Variants in TMEM178B observed in about 807,000 individuals in gnomAD.
TMEM178B encodes transmembrane protein 178B.
A neutral mutation model predicts 31.0 loss-of-function variants in TMEM178B; 5 were observed. The ratio of observed to expected loss-of-function variants is 0.16; its 90% CI spans 0.08 to 0.34. The LOEUF is 0.34. Ranked by LOEUF, TMEM178B falls within the 10% of genes least tolerant of loss-of-function variation. The pLI is 1.00. For missense variants in TMEM178B, 275 were observed against 400.3 expected, an observed-to-expected ratio of 0.69 and a Z score of 2.67; for synonymous variants, 164 against 164.0, an observed-to-expected ratio of 1.00 and a Z score of 0.00.
intron 2 of TMEM178B, among the ~76,000 whole-genome samples, chr7:141,405,114 A>G (rs1382504797): frequency 6.6e-6 from 1 of 152,218 alleles, no homozygotes; most frequent in African/African-American, 2.4e-5. Context: ...ACTAACCTGT[A>G]TCTGTGACCC....
At chr7:141,299,265 A>G (rs1798685236) in intron 2 of TMEM178B, among the ~76,000 whole-genome samples, 1 of 152,008 alleles carries the variant, frequency 6.6e-6, no homozygotes, top group African/African-American at 2.4e-5. Flanking sequence ...CAAACTCCGC[A>G]TCCTAGGTGC....
intron 1 of TMEM178B, among the ~76,000 whole-genome samples, chr7:141,076,577 G>C (rs1794603607): frequency 6.6e-6 from 1 of 152,168 alleles, no homozygotes; most frequent in Non-Finnish European, 1.5e-5. Flanking sequence ...AGTCTGACTA[G>C]AAAGGTTGAC....
chr7:141,135,921 G>T (rs1795668586), intron 1 of TMEM178B, among the ~76,000 whole-genome samples: 1 of 151,660 alleles, frequency 6.6e-6, no homozygotes. Flanking sequence ...GAAATGAGAG[G>T]TTTTTTTTGA....
At chr7:141,139,891 A>G (rs1177220236) in intron 1 of TMEM178B, among the ~76,000 whole-genome samples, 1 of 151,422 alleles carries the variant, frequency 6.6e-6, no homozygotes, top group Non-Finnish European at 1.5e-5. Context: ...TCAGCCTCCC[A>G]AGTAGCTGGG....
intron 2 of TMEM178B, among the ~76,000 whole-genome samples, chr7:141,317,957 G>A (rs1032869236): frequency 2.0e-5 from 3 of 152,198 alleles, no homozygotes; most frequent in Non-Finnish European, 4.4e-5. Context: ...AGAAGCATTT[G>A]TCTACCACCT....
chr7:141,401,498 C>G (rs535840885), intron 2 of TMEM178B, among the ~76,000 whole-genome samples: 1 of 152,302 alleles, frequency 6.6e-6, no homozygotes, highest in South Asian at 2.1e-4. Flanking sequence ...TCACTGCAGC[C>G]TCAAATTCCT....
chr7:141,343,803 C>T (rs1206212953), intron 2 of TMEM178B, among the ~76,000 whole-genome samples: 2 of 152,176 alleles, frequency 1.3e-5, no homozygotes, highest in Non-Finnish European at 2.9e-5. Context: ...CCCACCTCGG[C>T]CTCCCAAAGT....
chr7:141,358,707 CTAATA>C (rs1328186334), intron 2 of TMEM178B, among the ~76,000 whole-genome samples: 2 of 151,952 alleles, frequency 1.3e-5, no homozygotes, highest in African/African-American at 4.8e-5. Flanking sequence ...TCAAAGAATT[CTAATA>C]AGTCGGCAAG....
intron 2 of TMEM178B, among the ~76,000 whole-genome samples, chr7:141,395,413 C>T (rs1800620336): frequency 6.6e-6 from 1 of 152,148 alleles, no homozygotes; most frequent in African/African-American, 2.4e-5. Context: ...TGCACTCCAG[C>T]CCAAGCGACA....
At chr7:141,386,870 G>A (rs575564212) in intron 2 of TMEM178B, among the ~76,000 whole-genome samples, 5 of 152,270 alleles carry the variant, frequency 3.3e-5, no homozygotes, top group Non-Finnish European at 5.9e-5. Context: ...CTCAGCAGCC[G>A]GGGTTTGGGG....
chr7:141,492,553 G>A, the TMEM178B span, among the ~76,000 whole-genome samples: 1 of 152,196 alleles, frequency 6.6e-6, no homozygotes, highest in African/African-American at 2.4e-5. Flanking sequence ...AAGGAAGGAG[G>A]TCAGCACCTA....
intron 2 of TMEM178B, among the ~76,000 whole-genome samples, chr7:141,327,142 T>G (rs956907229): frequency 6.6e-6 from 1 of 152,172 alleles, no homozygotes; most frequent in Non-Finnish European, 1.5e-5. Context: ...TAAACGTCTT[T>G]TACTATTCCT....
At chr7:141,202,876 C>A (rs911019256) in intron 1 of TMEM178B, among the ~76,000 whole-genome samples, 1 of 152,186 alleles carries the variant, frequency 6.6e-6, no homozygotes. Context: ...ATTTCTGCCC[C>A]ATTTGGGGAC....
intron 2 of TMEM178B, among the ~76,000 whole-genome samples, chr7:141,357,964 G>A (rs1297535820): frequency 6.6e-6 from 1 of 152,116 alleles, no homozygotes; most frequent in African/African-American, 2.4e-5. Context: ...CAAGATTTTT[G>A]GAATTCTGTC....
At chr7:141,384,176 C>T (rs1359590041) in intron 2 of TMEM178B, among the ~76,000 whole-genome samples, 1 of 152,148 alleles carries the variant, frequency 6.6e-6, no homozygotes, top group Admixed American at 6.5e-5. Flanking sequence ...GTTGCCTGTT[C>T]ACTCTGATGG....
intron 2 of TMEM178B, among the ~76,000 whole-genome samples, chr7:141,231,753 A>G (rs1186868300): frequency 1.3e-5 from 2 of 152,226 alleles, no homozygotes; most frequent in African/African-American, 2.4e-5. Context: ...AACTGACCAC[A>G]TGATCTAGCC....
intron 1 of TMEM178B, among the ~76,000 whole-genome samples, chr7:141,199,958 C>G (rs1796849076): frequency 6.6e-6 from 1 of 151,784 alleles, no homozygotes; most frequent in African/African-American, 2.4e-5. Context: ...GGCTGAGGCA[C>G]AAGAATGGTG....
chr7:141,374,378 GCA>G (rs148202767), intron 2 of TMEM178B, among the ~76,000 whole-genome samples: 18 of 150,510 alleles, frequency 1.2e-4, no homozygotes, highest in South Asian at 8.4e-4. Flanking sequence ...ACACACACAT[GCA>G]CACACACACA....
intron 2 of TMEM178B, among the ~76,000 whole-genome samples, chr7:141,391,711 G>A (rs973042569): frequency 6.6e-6 from 1 of 151,680 alleles, no homozygotes; most frequent in Non-Finnish European, 1.5e-5. Flanking sequence ...CCAGCCTCTG[G>A]TAACCCCCAC....
Sources: allele counts gnomAD v4.1 joint callset (sites outside exome capture counted in the v4.1 genomes callset), GRCh38; gene constraint gnomAD v4.1.1; transcripts MANE v1.5; gene names NCBI Gene and HGNC (gene_info 2026-07-23, HGNC 2026-07-21).